GSDMB: variants seen among roughly 807,000 people sequenced by gnomAD.
GSDMB encodes the protein gasdermin B.
Under a neutral mutation model 42.9 loss-of-function variants are expected in GSDMB, and 32 were observed. The observed-to-expected ratio is 0.75, with a 90% CI of 0.56 to 1.00. GSDMB has a LOEUF of 1.00. Among genes scored for constraint, GSDMB ranks in the 50% least tolerant of loss-of-function variants. The pLI, the probability that GSDMB is intolerant of heterozygous loss-of-function variation, is 0.00. For synonymous variants in GSDMB, 175 were observed against 193.7 expected (o/e 0.90, Z 0.80); for missense variants, 468 against 498.5 (o/e 0.94, Z 0.58).
chr17:39,911,431 C>T (rs946934347), intron 3 of GSDMB, among the ~76,000 whole-genome samples: 1 of 152,040 alleles, frequency 6.6e-6, no homozygotes, highest in Non-Finnish European at 1.5e-5. Flanking sequence ...CCTCAATCTC[C>T]AACAATCCCA....
chr17:39,914,833 C>CTTT (rs79835993), intron 2 of GSDMB, among the ~76,000 whole-genome samples: 70 of 140,014 alleles, frequency 5.0e-4, no homozygotes, highest in African/African-American at 6.2e-4. Context: ...CCTATGCACA[C>CTTT]TTTTTTTTTT....
In GSDMB at chr17:39,906,418, T is replaced by A. The variant is rs991170521; in HGVS notation, c.728-147A>T. 4 of 925,228 alleles carry A rather than the reference T, an allele frequency of 4.3e-6. No homozygotes were observed. In the African/African-American group the frequency reaches 6.7e-5, roughly 15 times the overall value. 57.3% of individuals were successfully genotyped at this position (925,228 alleles called of 1,614,324 possible). On this transcript the variant is annotated intron_variant, in intron 7 of 10. Coordinates refer to ENST00000418519, the MANE Select transcript of GSDMB (RefSeq NM_001165958.2). ...TTTCCGTGTTAAAATTAAGCATCCT[T>A]CTTCCAAGATACCTACCATCATTGC...
chr17:39,907,996 A>C (rs1439812375), intron 6 of GSDMB, among the ~76,000 whole-genome samples, 180 bp downstream of exon 6: 1 of 152,200 alleles, frequency 6.6e-6, no homozygotes, highest in Non-Finnish European at 1.5e-5. Flanking sequence ...TGGAAACCCT[A>C]GTCCGATGTG....
chr17:39,907,096 T>G, intron 6 of GSDMB, 109 bp from the exon 7 acceptor site: 1 of 1,563,940 alleles, frequency 6.4e-7, no homozygotes, highest in Non-Finnish European at 8.6e-7. Context: ...GAGCCCTCAC[T>G]GCTGGTGCCA....
At position 39,904,842 on chromosome 17, in the gene GSDMB, C is replaced by A. The variant is rs2063474900; in HGVS notation, c.1221G>T (p.Leu407=). The part of the protein sequence containing the change: ...LYVVVSILLE[L]AEGPTSVSS ...AAGAGACAGAGGTAGGCCCCTCAGC[C>A]AGCTCCAGCAGGATAGAGACAACAA... Residue 407 remains leucine (L), a synonymous_variant, in exon 11 of 11, where the codon CTG becomes CTT. Transcript: ENST00000418519. The A allele has an allele frequency of 6.2e-7, 1 of 1,613,934 alleles. No homozygotes were observed. Among genetic ancestry groups the A allele is most frequent in the Non-Finnish European group, 8.5e-7 (1 of 1,179,982 alleles).
intron 1 of GSDMB, chr17:39,918,193 G>A (rs1313622925): frequency 6.6e-6 from 1 of 152,186 alleles, no homozygotes; most frequent in East Asian, 1.9e-4. Context: ...ACCTCAACTG[G>A]TCGTTTCTTC....
At chr17:39,914,761 C>CAA (rs71152627) in intron 2 of GSDMB, among the ~76,000 whole-genome samples, 51,162 of 90,244 alleles carry the variant, frequency 0.57, 13,697 homozygotes, top group East Asian at 0.73. Context: ...CACTCCATCT[C>CAA]AAAAAAAAAA....
Position 39,904,866 on chromosome 17 carries a change from A to C in GSDMB, c.1197T>G (p.Val399=), listed in dbSNP as rs951960506. 6.2e-7 allele frequency: 1 copy of C among 1,613,838 alleles called. No homozygotes were observed. The highest frequency in any genetic ancestry group is 8.5e-7 in the Non-Finnish European group (1 of 1,179,872). Residue 399 remains valine, a synonymous_variant, in exon 11 of 11, where the codon GTT becomes GTG. Coordinates refer to ENST00000418519, the MANE Select transcript of GSDMB (RefSeq NM_001165958.2). ...CCAGCTCCAGCAGGATAGAGACAAC[A>C]ACATACAGCGCACAGAGAATTCGTG... ...PEARILCALY[V]VVSILLELAE...
intron 7 of GSDMB, chr17:39,906,554 C>T: frequency 3.7e-6 from 5 of 1,355,838 alleles, no homozygotes; most frequent in Non-Finnish European, 3.8e-6. Flanking sequence ...GGTTATTTGG[C>T]CCTTGCCATT....
rs373486253 is a variant in GSDMB, at chr17:39,909,904, G to C, written c.428C>G (p.Pro143Arg). The change falls in exon 4 of 11, where the codon CCC (proline) becomes CGC (arginine). Residue 143 changes from proline (P) to arginine (R), a missense_variant. Pro to Arg is a moderately radical substitution (Grantham distance 103). Coordinates refer to ENST00000418519, the MANE Select transcript of GSDMB (RefSeq NM_001165958.2). Reference sequence around the variant, plus strand: ...CGTATTAATTGATCGGAATGAAAAGGGTAGTTCCCTCTTCAGCTTCCTGGA... The same window carrying C: ...CGTATTAATTGATCGGAATGAAAAGCGTAGTTCCCTCTTCAGCTTCCTGGA... ...LENRKLKRELPFSFRSINTRE... is the reference protein window; with the variant it reads ...LENRKLKRELRFSFRSINTRE... 14 of 1,613,594 alleles carry C rather than the reference G, an allele frequency of 8.7e-6. No homozygotes were observed. Among genetic ancestry groups the C allele is most frequent in the African/African-American group, 2.7e-5 (2 of 74,884 alleles).
chr17:39,911,594 C>T (rs1462550255), intron 3 of GSDMB, among the ~76,000 whole-genome samples: 2 of 152,186 alleles, frequency 1.3e-5, no homozygotes, highest in Non-Finnish European at 2.9e-5. Context: ...ATGCAGGAAA[C>T]ATCCTCCAAG....
intron 2 of GSDMB, among the ~76,000 whole-genome samples, chr17:39,914,836 T>C (rs1319024561): frequency 6.6e-6 from 1 of 151,028 alleles, no homozygotes; most frequent in African/African-American, 2.4e-5. Flanking sequence ...ATGCACACTT[T>C]TTTTTTTGTT....
In GSDMB at chr17:39,912,580, T is replaced by A. The variant is rs538146452; in HGVS notation, c.236-83A>T. 5.6e-6 allele frequency: 6 copies of A among 1,066,802 alleles called. No individual in the cohort carries two copies. In the African/African-American group the frequency reaches 9.5e-5, roughly 17 times the overall value. The allele number at this position is 1,066,802 out of a possible 1,614,324, so 66.1% of individuals were successfully genotyped here. ...AAACACCCTCCCTGGGGCAGCCCCA[T>A]CCTGGGTTCCGTGCCACCATCCCCC... On this transcript the variant is annotated intron_variant, in intron 2 of 10. Coordinates refer to ENST00000418519, the MANE Select transcript of GSDMB (RefSeq NM_001165958.2).
rs769675404 is a variant in GSDMB at position 39,909,739 on chromosome 17, C to T, written c.576+17G>A. On this transcript the variant is annotated intron_variant, in intron 4 of 10. Coordinates refer to ENST00000418519, the MANE Select transcript of GSDMB (RefSeq NM_001165958.2). Reference sequence around the variant, plus strand: ...CCAACACTGGCCTCCACAGTCCCTGCCTCCCAGGATCCTAACCTTGTGTTT... The same window carrying T: ...CCAACACTGGCCTCCACAGTCCCTGTCTCCCAGGATCCTAACCTTGTGTTT... 5 of 1,610,830 alleles carry T rather than the reference C, an allele frequency of 3.1e-6. No individual in the cohort carries two copies. The highest frequency in any genetic ancestry group is 1.7e-5 in the Admixed American group (1 of 59,964).
intron 6 of GSDMB, 36 bp downstream of exon 6, chr17:39,908,140 T>G (rs2144680072): frequency 7.9e-7 from 1 of 1,259,688 alleles, no homozygotes; most frequent in Non-Finnish European, 1.1e-6. Flanking sequence ...TTGCCCATTC[T>G]GAAATGACGA....
chr17:39,905,496 T>G lies in GSDMB; in HGVS notation c.1028A>C (p.Glu343Ala). 1 of 1,607,604 alleles carries G rather than the reference T, an allele frequency of 6.2e-7. No individual in the cohort carries two copies. Among genetic ancestry groups the G allele is most frequent in the South Asian group, 1.1e-5 (1 of 89,910 alleles). ...AILDFLDALLELSEEQQFVAE... is the reference protein window; with the variant it reads ...AILDFLDALLALSEEQQFVAE... ...CACAAACTGCTGCTCTTCAGACAGCTCTGGGGGCAAAGAAAGAGTGGTAAA... is the reference window on the plus strand; with the variant it reads ...CACAAACTGCTGCTCTTCAGACAGCGCTGGGGGCAAAGAAAGAGTGGTAAA... Residue 343 changes from glutamate (E) to alanine (A), a missense_variant and splice_region_variant, in exon 10 of 11, where the codon GAG (glutamate) becomes GCG (alanine). Coordinates refer to ENST00000418519, the MANE Select transcript of GSDMB (RefSeq NM_001165958.2).
In GSDMB at chr17:39,909,736, CT is replaced by C; in HGVS notation, c.576+19del. 6.2e-7 allele frequency: 1 copy of C among 1,610,762 alleles called. No individual in the cohort carries two copies. Among genetic ancestry groups the C allele is most frequent in the African/African-American group, 1.3e-5 (1 of 74,920 alleles). On this transcript the variant is annotated intron_variant, in intron 4 of 10. Coordinates refer to ENST00000418519, the MANE Select transcript of GSDMB (RefSeq NM_001165958.2). The stretch of plus-strand genomic sequence containing the variant: ...GGGCCAACACTGGCCTCCACAGTCC[CT>C]GCCTCCCAGGATCCTAACCTTGTGT...
chr17:39,905,485 C>T lies in GSDMB; in HGVS notation c.1039G>A (p.Glu347Lys). 1 of 1,609,078 alleles carries T rather than the reference C, an allele frequency of 6.2e-7. No individual in the cohort carries two copies. Residue 347 changes from glutamate (E) to lysine (K), a missense_variant, in exon 10 of 11, where the codon GAG (glutamate) becomes AAG (lysine). By Grantham distance (56) the Glu-to-Lys change is moderately conservative. Coordinates refer to ENST00000418519, the MANE Select transcript of GSDMB (RefSeq NM_001165958.2). ...AGGGCCTCAGCCACAAACTGCTGCT[C>T]TTCAGACAGCTCTGGGGGCAAAGAA... Reference protein sequence around the residue: ...FLDALLELSEEQQFVAEALEK... With the variant: ...FLDALLELSEKQQFVAEALEK...
At chr17:39,908,713 G>A (rs1023559892) in intron 5 of GSDMB, among the ~76,000 whole-genome samples, 4 of 152,196 alleles carry the variant, frequency 2.6e-5, no homozygotes, top group Admixed American at 6.5e-5. Context: ...GAGACTGGGA[G>A]AGGAGTTAAT....
Sources: allele counts gnomAD v4.1 joint callset (sites outside exome capture counted in the v4.1 genomes callset), GRCh38; gene constraint gnomAD v4.1.1; transcripts MANE v1.5; gene names NCBI Gene and HGNC (gene_info 2026-07-23, HGNC 2026-07-21).